Variants in ZDHHC21 observed in about 807,000 individuals in gnomAD.
The protein encoded by ZDHHC21 is zDHHC palmitoyltransferase 21.
A neutral mutation model predicts 34.6 loss-of-function variants in ZDHHC21; 15 were observed. That is an observed-to-expected ratio of 0.43 (90% CI 0.29 to 0.67). The LOEUF is 0.67. ZDHHC21 is among the 30% of genes least tolerant of loss of function. The probability of loss-of-function intolerance (pLI) is 0.14; values close to 1 mark genes in which losing one functional copy is unlikely to be tolerated. For missense variants in ZDHHC21, 344 were observed against 327.7 expected (o/e 1.05, Z -0.38); for synonymous variants, 142 against 101.8 (o/e 1.40, Z -2.38).
Position 14,690,975 on chromosome 9 carries a change from T to C in ZDHHC21, c.-224-590A>G, listed in dbSNP as rs925723880. ...TGTTTTACTAAAACAACATAAAAGG[T>C]TACATTCCTTAATATAAAAGTAAAA... On this transcript the variant is annotated intron_variant, in intron 1 of 9. Transcript: ENST00000380916. Among the ~76,000 whole-genome samples, 3 of 152,130 alleles carry C rather than the reference T, an allele frequency of 2.0e-5. No homozygotes were observed. In the East Asian group the frequency reaches 5.8e-4, roughly 29 times the overall value.
intron 2 of ZDHHC21, among the ~76,000 whole-genome samples, chr9:14,685,659 A>G (rs1171381237): frequency 2.0e-5 from 3 of 152,334 alleles, no homozygotes; most frequent in Non-Finnish European, 2.9e-5. Flanking sequence ...TTCCTCAAGG[A>G]TCTAGAACTA....
intron 6 of ZDHHC21, among the ~76,000 whole-genome samples, chr9:14,661,860 T>A (rs1833457433): frequency 6.6e-6 from 1 of 152,206 alleles, no homozygotes; most frequent in African/African-American, 2.4e-5. Context: ...TGCATATGGT[T>A]TATTACAATT....
rs888907755 is a variant in ZDHHC21 at position 14,618,125 on chromosome 9, T to C, written c.*841A>G. 1 of 152,516 alleles carries C rather than the reference T, an allele frequency of 6.6e-6. No individual in the cohort carries two copies. Among genetic ancestry groups the C allele is most frequent in the African/African-American group, 2.4e-5 (1 of 41,432 alleles). 9.4% of individuals were successfully genotyped at this position (152,516 alleles called of 1,614,324 possible). A position where few individuals can be genotyped will look rare whatever the true frequency, so the allele number is the denominator to read the frequency against. ...AATATAACTGCACTAGAAAAGGTAA[T>C]TGTGAAGTTATTGCAAATTCTCTCC... is the stretch of plus-strand genomic sequence containing the variant. On this transcript the variant is annotated 3_prime_UTR_variant, in exon 10 of 10. Transcript: ENST00000380916.
intron 7 of ZDHHC21, among the ~76,000 whole-genome samples, chr9:14,644,807 CAT>C (rs1197105367): frequency 2.7e-5 from 4 of 147,914 alleles, no homozygotes; most frequent in African/African-American, 5.0e-5. Flanking sequence ...TATATACACA[CAT>C]ACATATGTAT....
chr9:14,693,403 G>A lies in ZDHHC21; in HGVS notation c.-399C>T, dbSNP rs1442012257. On this transcript the variant is annotated 5_prime_UTR_variant, in exon 1 of 10. Coordinates refer to ENST00000380916, the MANE Select transcript of ZDHHC21 (RefSeq NM_178566.6). ...GGACCGGCCGAGTGGGTGTCCGCAT[G>A]CCCGCGCGCCCGCGTGGGGAGGGAC... 2.0e-5 allele frequency: 6 copies of A among 294,346 alleles called. No homozygotes were observed. The Admixed American group carries it at 2.8e-4, about 14-fold the overall frequency. The allele number at this position is 294,346 out of a possible 1,614,324, so 18.2% of individuals were successfully genotyped here.
intron 3 of ZDHHC21, among the ~76,000 whole-genome samples, chr9:14,676,795 A>T (rs1223726218): frequency 6.6e-6 from 1 of 152,040 alleles, no homozygotes; most frequent in Non-Finnish European, 1.5e-5. Context: ...TTAAAAAGAG[A>T]AACATTCAAG....
chr9:14,657,141 A>C (rs10756597), intron 7 of ZDHHC21, among the ~76,000 whole-genome samples: 141,411 of 152,054 alleles, frequency 0.93, 65,809 homozygotes, highest in South Asian at 0.94. Flanking sequence ...ACGTCTTAAT[A>C]CTTCATTTGA....
chr9:14,610,877 T>G (rs553044938), downstream of ZDHHC21, among the ~76,000 whole-genome samples: 2 of 152,180 alleles, frequency 1.3e-5, no homozygotes, highest in African/African-American at 4.8e-5. Flanking sequence ...AGCCCTAGTA[T>G]GTACACCTAG....
At position 14,693,400 on chromosome 9, in the gene ZDHHC21, C is replaced by A. The variant is rs746623955; in HGVS notation, c.-396G>T. The A allele has an allele frequency of 3.3e-6, 1 of 300,942 alleles. No homozygotes were observed. Among genetic ancestry groups the A allele is most frequent in the South Asian group, 2.5e-5 (1 of 40,774 alleles). 18.6% of individuals were successfully genotyped at this position (300,942 alleles called of 1,614,324 possible). A position where few individuals can be genotyped will look rare whatever the true frequency, so the allele number is the denominator to read the frequency against. On this transcript the variant is annotated 5_prime_UTR_variant, in exon 1 of 10. An upstream start codon of the reference 5' UTR is lost. Transcript: ENST00000380916. ...CCTGGACCGGCCGAGTGGGTGTCCG[C>A]ATGCCCGCGCGCCCGCGTGGGGAGG... is the stretch of plus-strand genomic sequence containing the variant.
At chr9:14,692,580 T>C (rs541994717) in intron 1 of ZDHHC21, among the ~76,000 whole-genome samples, 4 of 145,184 alleles carry the variant, frequency 2.8e-5, no homozygotes, top group Middle Eastern at 3.6e-3. Flanking sequence ...GACCCACATA[T>C]AGCTTGAAAA....
At chr9:14,608,335 A>C (rs1823084273), downstream of ZDHHC21, among the ~76,000 whole-genome samples, 1 of 152,156 alleles carries the variant, frequency 6.6e-6, no homozygotes, top group South Asian at 2.1e-4. Context: ...CTAATTTTTT[A>C]AAGTTGTAAA....
At chr9:14,637,072 A>G (rs1190350155) in intron 8 of ZDHHC21, among the ~76,000 whole-genome samples, 1 of 152,086 alleles carries the variant, frequency 6.6e-6, no homozygotes, top group Non-Finnish European at 1.5e-5. Flanking sequence ...ACGTAAAAGC[A>G]AAAGAGACTA....
At chr9:14,636,472 CA>C (rs1480745405) in intron 8 of ZDHHC21, among the ~76,000 whole-genome samples, 2 of 152,054 alleles carry the variant, frequency 1.3e-5, no homozygotes, top group Admixed American at 6.5e-5. Flanking sequence ...AGGACTTGGA[CA>C]CAGGATTCTC....
intron 5 of ZDHHC21, among the ~76,000 whole-genome samples, chr9:14,665,191 C>G (rs967640251): frequency 9.5e-5 from 13 of 137,404 alleles, no homozygotes; most frequent in African/African-American, 3.1e-4. Context: ...TCGAGAACTA[C>G]GTGAAGAATG....
In ZDHHC21 at chr9:14,674,169, A is replaced by G. The variant is rs774913340; in HGVS notation, c.154+18T>C. On this transcript the variant is annotated intron_variant, in intron 4 of 9. Coordinates refer to ENST00000380916, the MANE Select transcript of ZDHHC21 (RefSeq NM_178566.6). ...GAGAAAAATAATTATACAAGAAAAT[A>G]AAGATCAAGAAACTTACTTATTATT... The G allele has an allele frequency of 6.9e-7, 1 of 1,457,260 alleles. No homozygotes were observed. The highest frequency in any genetic ancestry group is 1.5e-5 in the South Asian group (1 of 64,748). The allele number at this position is 1,457,260 out of a possible 1,614,324, so 90.3% of individuals were successfully genotyped here.
downstream of ZDHHC21, among the ~76,000 whole-genome samples, chr9:14,609,430 AAAAATAAGTG>A (rs1823129390): frequency 6.6e-6 from 1 of 152,104 alleles, no homozygotes; most frequent in South Asian, 2.1e-4. Flanking sequence ...GCATTTTCTC[AAAAATAAGTG>A]AAGGTAACCT....
At chr9:14,650,908 C>T (rs1480216425) in intron 7 of ZDHHC21, among the ~76,000 whole-genome samples, 2 of 151,902 alleles carry the variant, frequency 1.3e-5, no homozygotes, top group Admixed American at 6.6e-5. Flanking sequence ...TAGCCTTAAA[C>T]GCAGTTAGTA....
intron 5 of ZDHHC21, among the ~76,000 whole-genome samples, chr9:14,666,057 T>G (rs989775618): frequency 6.7e-6 from 1 of 150,030 alleles, no homozygotes; most frequent in Admixed American, 6.7e-5. Context: ...GACTGGCAAA[T>G]TGGATAAAGA....
At chr9:14,663,181 T>C (rs1833709948) in intron 5 of ZDHHC21, among the ~76,000 whole-genome samples, 1 of 152,208 alleles carries the variant, frequency 6.6e-6, no homozygotes. Flanking sequence ...ACAATTGCCT[T>C]ATTATACAAA....
Sources: allele counts gnomAD v4.1 joint callset (sites outside exome capture counted in the v4.1 genomes callset), GRCh38; gene constraint gnomAD v4.1.1; transcripts MANE v1.5; gene names NCBI Gene and HGNC (gene_info 2026-07-23, HGNC 2026-07-21).